Variants in UNC5D observed in about 807,000 individuals in gnomAD.
UNC5D encodes unc-5 netrin receptor D.
UNC5D carries 39 observed loss-of-function variants against 105.4 expected under a neutral mutation model. That is an observed-to-expected ratio of 0.37 (90% CI 0.29 to 0.48). The LOEUF (loss-of-function observed/expected upper bound fraction) is 0.48, where lower values mean the gene tolerates loss of function less well. UNC5D is among the 20% of genes least tolerant of loss of function. UNC5D has a pLI of 0.98. For synonymous variants in UNC5D, 452 were observed against 450.4 expected (o/e 1.00, Z -0.04); for missense variants, 991 against 1,202.4 (o/e 0.82, Z 2.60).
chr8:35,750,865 A>C, intron 13 of UNC5D, 56 bp downstream of exon 13: 1 of 1,600,056 alleles, frequency 6.2e-7, no homozygotes, highest in Non-Finnish European at 8.6e-7. Flanking sequence ...GTGTTTTCCA[A>C]AAGATCAGTA....
Position 35,246,770 on chromosome 8 carries a change from C to A in UNC5D, c.103+10883C>A, listed in dbSNP as rs371950005. ...TTAAGAGATTTAAAGAATCAGGGAG[C>A]CAGTTGGTCCTCATTTTCAGTAATT... On this transcript the variant is annotated intron_variant, in intron 1 of 16. Transcript: ENST00000404895. 3.0e-4 allele frequency among the ~76,000 whole-genome samples: 46 copies of A among 152,164 alleles called. No homozygotes were observed. In the Middle Eastern group the frequency reaches 0.014, roughly 45 times the overall value.
intron 1 of UNC5D, among the ~76,000 whole-genome samples, chr8:35,455,921 G>A (rs1241464300): frequency 1.3e-5 from 2 of 152,084 alleles, no homozygotes; most frequent in Admixed American, 6.6e-5. Context: ...TGAGAATTAT[G>A]GGAGCTATAA....
rs547945802 is a variant in UNC5D, at chr8:35,451,517, C to T, written c.104-97775C>T. The stretch of plus-strand genomic sequence containing the variant: ...AGTTTTATAAATGAGGAAACAGAGG[C>T]GCAGAGAAGTTAGATGACTTGCCCA... On this transcript the variant is annotated intron_variant, in intron 1 of 16. Transcript: ENST00000404895. Among the ~76,000 whole-genome samples, 10 of 152,206 alleles carry T rather than the reference C, an allele frequency of 6.6e-5. No individual in the cohort carries two copies. The East Asian group carries it at 1.7e-3, about 26-fold the overall frequency.
intron 1 of UNC5D, among the ~76,000 whole-genome samples, chr8:35,506,544 G>T (rs1287657235): frequency 1.3e-5 from 2 of 152,220 alleles, no homozygotes; most frequent in East Asian, 1.9e-4. Context: ...CAGAGACAAA[G>T]AATTTGAGGA....
chr8:35,731,818 A>C (rs1176076959), intron 11 of UNC5D, among the ~76,000 whole-genome samples: 1 of 152,206 alleles, frequency 6.6e-6, no homozygotes, highest in African/African-American at 2.4e-5. Flanking sequence ...ATACTGCCCG[A>C]GAGACAATTT....
intron 4 of UNC5D, among the ~76,000 whole-genome samples, chr8:35,605,662 C>G (rs979035345): frequency 6.6e-6 from 1 of 152,208 alleles, no homozygotes; most frequent in African/African-American, 2.4e-5. Flanking sequence ...CAGAGGCAGG[C>G]AGGCCTCCTT....
At chr8:35,504,540 A>G (rs145451041) in intron 1 of UNC5D, among the ~76,000 whole-genome samples, 18 of 152,318 alleles carry the variant, frequency 1.2e-4, no homozygotes, top group South Asian at 1.0e-3. Flanking sequence ...GCAAAGGAAG[A>G]GAAGATAAGG....
At chr8:35,249,040 ATT>A (rs36064779) in intron 1 of UNC5D, among the ~76,000 whole-genome samples, 43,479 of 102,438 alleles carry the variant, frequency 0.42, 10,083 homozygotes, top group East Asian at 0.72. Context: ...TATAATATAT[ATT>A]ATATAAAAAT....
chr8:35,581,027 C>T (rs1188481761), intron 3 of UNC5D, among the ~76,000 whole-genome samples: 4 of 152,080 alleles, frequency 2.6e-5, no homozygotes, highest in South Asian at 2.1e-4. Context: ...CTCCTGATAC[C>T]GGCCACACAT....
intron 1 of UNC5D, among the ~76,000 whole-genome samples, chr8:35,434,909 C>A (rs1179167262): frequency 1.3e-5 from 2 of 151,904 alleles, no homozygotes; most frequent in Non-Finnish European, 2.9e-5. Context: ...AGATATGAAC[C>A]AGTTCTTGGT....
intron 1 of UNC5D, among the ~76,000 whole-genome samples, chr8:35,306,228 T>C (rs200138495): frequency 4.6e-5 from 7 of 151,988 alleles, no homozygotes; most frequent in South Asian, 2.1e-4. Flanking sequence ...TGTGTGTGTG[T>C]GCGCGTGTGT....
chr8:35,258,918 T>G (rs1339663882), intron 1 of UNC5D, among the ~76,000 whole-genome samples: 1 of 152,108 alleles, frequency 6.6e-6, no homozygotes, highest in African/African-American at 2.4e-5. Context: ...GTGGGAATCA[T>G]GCAGAGAAGG....
intron 1 of UNC5D, among the ~76,000 whole-genome samples, chr8:35,275,264 T>C (rs775240787): frequency 6.6e-6 from 1 of 152,000 alleles, no homozygotes; most frequent in Non-Finnish European, 1.5e-5. Context: ...TCTTTCCTAC[T>C]ACCCTTCCTC....
intron 15 of UNC5D, among the ~76,000 whole-genome samples, chr8:35,769,336 A>T (rs572225336): frequency 1.3e-5 from 2 of 152,298 alleles, no homozygotes; most frequent in East Asian, 1.9e-4. Flanking sequence ...AGTCAAGGCC[A>T]TCTAATGGAT....
chr8:35,394,581 T>G (rs573495916), intron 1 of UNC5D, among the ~76,000 whole-genome samples: 1 of 152,134 alleles, frequency 6.6e-6, no homozygotes, highest in East Asian at 1.9e-4. Context: ...GAGCATTTAT[T>G]TTCATTTTGT....
intron 15 of UNC5D, among the ~76,000 whole-genome samples, chr8:35,770,023 C>A (rs1801941757): frequency 6.6e-6 from 1 of 152,030 alleles, no homozygotes; most frequent in Non-Finnish European, 1.5e-5. Context: ...ATGGTTCCAG[C>A]AAAAGTGAAG....
At chr8:35,702,921 G>A (rs564022743) in intron 7 of UNC5D, among the ~76,000 whole-genome samples, 1 of 152,026 alleles carries the variant, frequency 6.6e-6, no homozygotes, top group Non-Finnish European at 1.5e-5. Flanking sequence ...TAGAGAAGTG[G>A]CCGTTTGAAT....
At chr8:35,246,295 G>A (rs1243413456) in intron 1 of UNC5D, among the ~76,000 whole-genome samples, 4 of 152,056 alleles carry the variant, frequency 2.6e-5, no homozygotes, top group Non-Finnish European at 1.5e-5. Flanking sequence ...TTCAGTAAAG[G>A]GATAATACTC....
At chr8:35,707,806 G>A (rs1407182299) in intron 8 of UNC5D, among the ~76,000 whole-genome samples, 1 of 152,114 alleles carries the variant, frequency 6.6e-6, no homozygotes, top group Non-Finnish European at 1.5e-5. Context: ...CAGTCCTTAG[G>A]GACTTCAGAA....
Sources: gnomAD v4.1 joint callset for allele counts (sites outside exome capture counted in the v4.1 genomes callset) on GRCh38, gnomAD v4.1.1 for gene constraint, MANE v1.5 for transcripts, NCBI Gene and HGNC (gene_info 2026-07-23, HGNC 2026-07-21) for gene names.